NEGR1: variants seen among roughly 807,000 people sequenced by gnomAD.
NEGR1 encodes the protein neuronal growth regulator 1.
Under a neutral mutation model 40.9 loss-of-function variants are expected in NEGR1, and 10 were observed. The ratio of observed to expected loss-of-function variants is 0.24; its 90% CI spans 0.15 to 0.42. The LOEUF is 0.42. Among genes scored for constraint, NEGR1 ranks in the 10% least tolerant of loss-of-function variants. The pLI, the probability that NEGR1 is intolerant of heterozygous loss-of-function variation, is 1.00. For synonymous variants in NEGR1, 185 were observed against 166.8 expected (o/e 1.11, Z -0.84); for missense variants, 352 against 438.9 (o/e 0.80, Z 1.77).
intron 1 of NEGR1, among the ~76,000 whole-genome samples, chr1:71,988,497 C>T (rs1191863567): frequency 7.0e-6 from 1 of 142,170 alleles, no homozygotes; most frequent in South Asian, 2.2e-4. Context: ...CGAGATTGCG[C>T]CACTGCAGTC....
chr1:71,915,534 C>T (rs1557431548), intron 2 of NEGR1, among the ~76,000 whole-genome samples: 1 of 151,954 alleles, frequency 6.6e-6, no homozygotes, highest in Non-Finnish European at 1.5e-5. Context: ...GACTTTGTGT[C>T]CAGTTCTTAA....
chr1:71,570,468 C>T (rs2101492156), intron 6 of NEGR1, among the ~76,000 whole-genome samples: 1 of 152,236 alleles, frequency 6.6e-6, no homozygotes, highest in Non-Finnish European at 1.5e-5. Flanking sequence ...TGGAAAGTGA[C>T]ATATGGCTAC....
chr1:72,274,586 G>C (rs1655972506), intron 1 of NEGR1: 2 of 775,872 alleles, frequency 2.6e-6, no homozygotes, highest in Non-Finnish European at 4.8e-6. Context: ...GCAAGATATG[G>C]CGAAAGCCCA....
intron 4 of NEGR1, among the ~76,000 whole-genome samples, chr1:71,646,468 T>C (rs903382657): frequency 3.3e-5 from 5 of 151,848 alleles, no homozygotes; most frequent in Non-Finnish European, 5.9e-5. Flanking sequence ...AATTGATTAT[T>C]TTTTCCTGAA....
At chr1:71,835,405 A>G (rs932760246) in intron 2 of NEGR1, among the ~76,000 whole-genome samples, 4 of 152,136 alleles carry the variant, frequency 2.6e-5, no homozygotes, top group Non-Finnish European at 4.4e-5. Context: ...GCAATCTACC[A>G]TAATATAAAA....
At chr1:71,657,214 G>A (rs914392751) in intron 4 of NEGR1, among the ~76,000 whole-genome samples, 1 of 152,122 alleles carries the variant, frequency 6.6e-6, no homozygotes, top group Non-Finnish European at 1.5e-5. Flanking sequence ...TTTCTTCACA[G>A]GAACCATCTC....
intron 6 of NEGR1, among the ~76,000 whole-genome samples, chr1:71,448,264 A>G (rs1239541925): frequency 6.7e-6 from 1 of 150,164 alleles, no homozygotes; most frequent in Non-Finnish European, 1.5e-5. Flanking sequence ...GAGAGAGAGC[A>G]TCATTGCTTG....
At chr1:71,954,679 A>G (rs1022459760) in intron 1 of NEGR1, among the ~76,000 whole-genome samples, 2 of 152,116 alleles carry the variant, frequency 1.3e-5, no homozygotes, top group African/African-American at 4.8e-5. Context: ...AATAATTATC[A>G]TTATTTCTAA....
chr1:71,573,443 C>T (rs1221403731), intron 6 of NEGR1: 1 of 152,486 alleles, frequency 6.6e-6, no homozygotes, highest in East Asian at 1.9e-4. Flanking sequence ...GCAACCTTCT[C>T]ATTGTGATCT....
At chr1:71,559,680 A>G (rs896930472) in intron 6 of NEGR1, among the ~76,000 whole-genome samples, 1 of 151,574 alleles carries the variant, frequency 6.6e-6, no homozygotes, top group African/African-American at 2.4e-5. Context: ...TCAAATTCCT[A>G]AAACATGTAT....
intron 2 of NEGR1, among the ~76,000 whole-genome samples, chr1:71,795,154 AC>A (rs1446676436): frequency 1.3e-5 from 2 of 152,068 alleles, no homozygotes; most frequent in Non-Finnish European, 2.9e-5. Context: ...TAATTTGAAA[AC>A]AAATAAAACT....
intron 6 of NEGR1, among the ~76,000 whole-genome samples, chr1:71,560,301 T>G (rs1385980798): frequency 6.6e-6 from 1 of 150,874 alleles, no homozygotes; most frequent in African/African-American, 2.4e-5. Context: ...TCAGATTTTC[T>G]TCTTCAAATT....
chr1:71,929,732 GTT>G (rs75644144), intron 2 of NEGR1, among the ~76,000 whole-genome samples: 35 of 142,532 alleles, frequency 2.5e-4, no homozygotes, highest in Admixed American at 5.6e-4. Context: ...CACCATTACT[GTT>G]TTTTTTTTTT....
In NEGR1 at chr1:72,078,620, C is replaced by CATATATAT. The variant is rs3080207; in HGVS notation, c.177-143317_177-143310dup. Among the ~76,000 whole-genome samples, 4 of 135,854 alleles carry CATATATAT rather than the reference C, an allele frequency of 2.9e-5. No homozygotes were observed. In the East Asian group the frequency reaches 6.2e-4, roughly 21 times the overall value. The allele number at this position is 135,854 out of a possible 152,430, so 89.1% of individuals were successfully genotyped here. A position where few individuals can be genotyped will look rare whatever the true frequency, so the allele number is the denominator to read the frequency against. The stretch of plus-strand genomic sequence containing the variant: ...ATGTATATTAATTATCATATACACT[C>CATATATAT]ATATATATATATATATATTTATTTA... On this transcript the variant is annotated intron_variant, in intron 1 of 6. Transcript: ENST00000357731.
At chr1:71,494,192 A>G (rs1195528119) in intron 6 of NEGR1, among the ~76,000 whole-genome samples, 1 of 152,146 alleles carries the variant, frequency 6.6e-6, no homozygotes, top group Non-Finnish European at 1.5e-5. Context: ...AAGGTGATTT[A>G]TGATGGGGAC....
At chr1:71,950,493 T>C (rs1247499289) in intron 1 of NEGR1, among the ~76,000 whole-genome samples, 1 of 152,096 alleles carries the variant, frequency 6.6e-6, no homozygotes, top group East Asian at 1.9e-4. Flanking sequence ...TACTGTTTCA[T>C]TCTTGAACCG....
intron 1 of NEGR1, among the ~76,000 whole-genome samples, chr1:72,228,259 TG>T (rs1654254490): frequency 6.6e-6 from 1 of 152,156 alleles, no homozygotes; most frequent in Non-Finnish European, 1.5e-5. Context: ...ATTCCCAACA[TG>T]GGTGGGCATC....
At chr1:72,007,672 AT>A (rs1646619948) in intron 1 of NEGR1, among the ~76,000 whole-genome samples, 1 of 152,214 alleles carries the variant, frequency 6.6e-6, no homozygotes, top group African/African-American at 2.4e-5. Flanking sequence ...GTTAAAAAAA[AT>A]CATTTACTAT....
At chr1:72,094,206 C>A (rs918724725) in intron 1 of NEGR1, among the ~76,000 whole-genome samples, 1 of 151,912 alleles carries the variant, frequency 6.6e-6, no homozygotes, top group Non-Finnish European at 1.5e-5. Context: ...TTCCTAATTG[C>A]ACAATTAGAA....
Sources: gnomAD v4.1 joint callset for allele counts (sites outside exome capture counted in the v4.1 genomes callset) on GRCh38, gnomAD v4.1.1 for gene constraint, MANE v1.5 for transcripts, NCBI Gene and HGNC (gene_info 2026-07-23, HGNC 2026-07-21) for gene names.